RFX3: variants seen among roughly 807,000 people sequenced by gnomAD.
RFX3 encodes the protein transcription factor RFX3.
RFX3 carries 14 observed loss-of-function variants against 98.6 expected under a neutral mutation model. The ratio of observed to expected loss-of-function variants is 0.14; its 90% CI spans 0.09 to 0.22. The LOEUF (loss-of-function observed/expected upper bound fraction) is 0.22, where lower values mean the gene tolerates loss of function less well. Ranked by LOEUF, RFX3 falls within the 10% of genes least tolerant of loss-of-function variation. RFX3 has a pLI of 1.00. For missense variants in RFX3, 639 were observed against 926.9 expected (o/e 0.69, Z 4.03); for synonymous variants, 383 against 328.4 (o/e 1.17, Z -1.80).
chr9:3,306,321 A>AT (rs1288217091), intron 4 of RFX3, among the ~76,000 whole-genome samples: 2 of 151,920 alleles, frequency 1.3e-5, no homozygotes, highest in Admixed American at 1.3e-4. Context: ...CAAATTCAAG[A>AT]TTTTTTTTAA....
At chr9:3,467,590 T>C (rs139718685) in intron 1 of RFX3, among the ~76,000 whole-genome samples, 12 of 152,222 alleles carry the variant, frequency 7.9e-5, no homozygotes, top group African/African-American at 2.9e-4. Context: ...AATTTATTAA[T>C]GAAAATACTG....
At chr9:3,242,782 C>A (rs575053871) in intron 15 of RFX3, among the ~76,000 whole-genome samples, 13 of 151,990 alleles carry the variant, frequency 8.6e-5, no homozygotes, top group Middle Eastern at 3.4e-3. Flanking sequence ...TAAATTGTTA[C>A]AGGTTAAATT....
chr9:3,244,985 C>G (rs903569559), intron 15 of RFX3, among the ~76,000 whole-genome samples: 1 of 152,124 alleles, frequency 6.6e-6, no homozygotes, highest in African/African-American at 2.4e-5. Context: ...GTCTAGAGTT[C>G]AACACAAGTC....
At position 3,397,326 on chromosome 9, in the gene RFX3, T is replaced by A. The variant is rs528743496; in HGVS notation, c.-8-1730A>T. Among the ~76,000 whole-genome samples the A allele has an allele frequency of 3.2e-4, 49 of 152,338 alleles. 1 individual carries two copies. The highest frequency in any genetic ancestry group is 5.8e-4 in the African/African-American group (24 of 41,578). On this transcript the variant is annotated intron_variant, in intron 1 of 16. Coordinates refer to ENST00000617270, the MANE Select transcript of RFX3 (RefSeq NM_001282116.2). ...ATGGAGCAAGAGAAACAGTGTTTAATTGGTAGCATAAGAAAAGCACTGCAT... is the reference window on the plus strand; with the variant it reads ...ATGGAGCAAGAGAAACAGTGTTTAAATGGTAGCATAAGAAAAGCACTGCAT...
intron 1 of RFX3, among the ~76,000 whole-genome samples, chr9:3,437,950 AAACT>A (rs1271794596): frequency 3.3e-5 from 5 of 152,116 alleles, no homozygotes; most frequent in Admixed American, 2.0e-4. Context: ...GAGATGAAAA[AAACT>A]AATGACGTAT....
intron 5 of RFX3, among the ~76,000 whole-genome samples, chr9:3,300,677 A>G (rs1828545163): frequency 4.6e-5 from 7 of 151,900 alleles, no homozygotes. Flanking sequence ...AGAAAATTCT[A>G]AACTAAAATG....
At chr9:3,248,380 C>G (rs1012165659) in intron 14 of RFX3, among the ~76,000 whole-genome samples, 195 bp from the exon 15 acceptor site, 1 of 152,154 alleles carries the variant, frequency 6.6e-6, no homozygotes. Context: ...GTAATCCTCA[C>G]GGAGACTTGA....
intron 14 of RFX3, among the ~76,000 whole-genome samples, chr9:3,250,350 A>C (rs1483147060): frequency 6.6e-6 from 1 of 152,058 alleles, no homozygotes; most frequent in Non-Finnish European, 1.5e-5. Context: ...GTATAAGACA[A>C]ATGCCTAACA....
intron 5 of RFX3, among the ~76,000 whole-genome samples, chr9:3,299,073 C>G (rs139266693): frequency 0.021 from 3,214 of 151,686 alleles, 119 homozygotes; most frequent in African/African-American, 0.073. Context: ...TCCCACAAAC[C>G]TCAAATAATT....
At chr9:3,309,190 G>T (rs1829683451) in intron 4 of RFX3, among the ~76,000 whole-genome samples, 1 of 152,106 alleles carries the variant, frequency 6.6e-6, no homozygotes, top group Non-Finnish European at 1.5e-5. Context: ...CAGCAGTGAA[G>T]GGAACTTCCA....
intron 2 of RFX3, among the ~76,000 whole-genome samples, chr9:3,352,105 A>G (rs1835206866): frequency 6.6e-6 from 1 of 152,070 alleles, no homozygotes; most frequent in Non-Finnish European, 1.5e-5. Flanking sequence ...TAAGATATAT[A>G]TGTATTTTAG....
At chr9:3,267,199 T>A (rs989728934) in intron 11 of RFX3, among the ~76,000 whole-genome samples, 8 of 151,968 alleles carry the variant, frequency 5.3e-5, no homozygotes, top group African/African-American at 1.9e-4. Context: ...TGCCCAAGGC[T>A]CCATAGTAAT....
At chr9:3,274,802 C>T (rs1477446521) in intron 9 of RFX3, among the ~76,000 whole-genome samples, 3 of 151,916 alleles carry the variant, frequency 2.0e-5, no homozygotes, top group African/African-American at 7.3e-5. Flanking sequence ...ACAAAGGCAA[C>T]CACTGTTAAC....
intron 15 of RFX3, among the ~76,000 whole-genome samples, chr9:3,242,316 A>C (rs549570297): frequency 6.6e-6 from 1 of 152,330 alleles, no homozygotes; most frequent in East Asian, 1.9e-4. Context: ...TAATATAGTA[A>C]ATAATAAGCT....
At chr9:3,234,140 A>C (rs2063442066) in intron 15 of RFX3, among the ~76,000 whole-genome samples, 1 of 152,194 alleles carries the variant, frequency 6.6e-6, no homozygotes, top group South Asian at 2.1e-4. Context: ...ACAAAATAAA[A>C]CAAAACTGAT....
intron 2 of RFX3, among the ~76,000 whole-genome samples, chr9:3,386,384 T>C (rs1457410658): frequency 6.6e-6 from 1 of 152,126 alleles, no homozygotes; most frequent in East Asian, 1.9e-4. Context: ...CTAACCTAAA[T>C]ATTTTAGCAG....
intron 5 of RFX3, among the ~76,000 whole-genome samples, chr9:3,298,417 C>T (rs1828257568): frequency 6.6e-6 from 1 of 151,746 alleles, no homozygotes. Context: ...GCAAAGGCAT[C>T]CTAGAATTCC....
At chr9:3,453,876 T>C (rs1462545151) in intron 1 of RFX3, among the ~76,000 whole-genome samples, 4 of 152,092 alleles carry the variant, frequency 2.6e-5, no homozygotes, top group Admixed American at 2.0e-4. Context: ...ATATTTTAAA[T>C]ATATTTTTAA....
At chr9:3,338,947 G>A (rs1230496441) in intron 3 of RFX3, among the ~76,000 whole-genome samples, 1 of 151,950 alleles carries the variant, frequency 6.6e-6, no homozygotes, top group Non-Finnish European at 1.5e-5. Context: ...AAATTAGCCG[G>A]GCGTGGTGGC....
Sources: gnomAD v4.1 joint callset for allele counts (sites outside exome capture counted in the v4.1 genomes callset) on GRCh38, gnomAD v4.1.1 for gene constraint, MANE v1.5 for transcripts, NCBI Gene and HGNC (gene_info 2026-07-23, HGNC 2026-07-21) for gene names.